Variants in DOCK11 observed in about 807,000 individuals in gnomAD.
DOCK11 encodes dedicator of cytokinesis 11, also known as dedicator of cytokinesis protein 11.
In DOCK11, 70 loss-of-function variants were observed where a neutral mutation model predicts 169.1. The observed-to-expected ratio is 0.41, with a 90% CI of 0.34 to 0.51. The LOEUF (loss-of-function observed/expected upper bound fraction) is 0.51, where lower values mean the gene tolerates loss of function less well. DOCK11 is among the 20% of genes least tolerant of loss of function. The pLI is 0.10. For synonymous variants in DOCK11, 529 were observed against 541.3 expected, an observed-to-expected ratio of 0.98 and a Z score of 0.32; for missense variants, 1,166 against 1,538.8, an observed-to-expected ratio of 0.76 and a Z score of 4.05.
chrX:118,641,681 G>T (rs778016345), intron 39 of DOCK11, among the ~76,000 whole-genome samples: 3 of 111,666 alleles, frequency 2.7e-5, no homozygotes, highest in African/African-American at 9.7e-5. Flanking sequence ...TGATGTCCGG[G>T]CAGTCTGGCT....
intron 35 of DOCK11, among the ~76,000 whole-genome samples, chrX:118,634,651 A>G (rs1215677101): frequency 1.8e-5 from 2 of 112,524 alleles, no homozygotes. Flanking sequence ...TCTGGGGGGG[A>G]ACCCAAGCTT....
intron 40 of DOCK11, among the ~76,000 whole-genome samples, chrX:118,644,736 A>C (rs1307108386): frequency 8.9e-6 from 1 of 112,140 alleles, no homozygotes; most frequent in African/African-American, 3.2e-5. Flanking sequence ...CAAGAGATGA[A>C]ACTAAAGATG....
At chrX:118,632,121 ATTTG>A (rs2015258272) in intron 35 of DOCK11, among the ~76,000 whole-genome samples, 1 of 110,521 alleles carries the variant, frequency 9.0e-6, no homozygotes, top group African/African-American at 3.3e-5. Context: ...CGCCCGGCTA[ATTTG>A]TTTATTTTTA....
chrX:118,547,870 C>T (rs752931979), intron 6 of DOCK11, among the ~76,000 whole-genome samples: 1 of 112,155 alleles, frequency 8.9e-6, no homozygotes, highest in African/African-American at 3.2e-5. Flanking sequence ...ACTGCATTCC[C>T]TTTCCCGCAG....
At chrX:118,552,508 T>G (rs2012534234) in intron 6 of DOCK11, among the ~76,000 whole-genome samples, 1 of 112,526 alleles carries the variant, frequency 8.9e-6, no homozygotes, top group African/African-American at 3.2e-5. Context: ...CTCTGGTCAG[T>G]TGTTAAGATA....
chrX:118,654,175 T>G (rs1345059326), intron 42 of DOCK11, among the ~76,000 whole-genome samples: 1 of 112,558 alleles, frequency 8.9e-6, no homozygotes, highest in African/African-American at 3.2e-5. Context: ...TAAACACTTT[T>G]TTATAATAGT....
At chrX:118,525,238 T>A (rs2011347623) in intron 1 of DOCK11, among the ~76,000 whole-genome samples, 1 of 111,760 alleles carries the variant, frequency 8.9e-6, no homozygotes, top group Admixed American at 9.5e-5. Context: ...GGGACTCAGA[T>A]ACTTGTTTCA....
chrX:118,529,794 G>C (rs989106802), intron 1 of DOCK11, among the ~76,000 whole-genome samples: 3 of 111,123 alleles, frequency 2.7e-5, no homozygotes, highest in Non-Finnish European at 3.8e-5. Flanking sequence ...GCCTCTTGGG[G>C]TCTTGAGGTG....
chrX:118,512,044 G>A (rs182433230), intron 1 of DOCK11, among the ~76,000 whole-genome samples: 97 of 112,170 alleles, frequency 8.6e-4, no homozygotes, highest in African/African-American at 3.0e-3. Flanking sequence ...CTCCCGAGTA[G>A]CTGGGACTAC....
At chrX:118,620,896 A>G (rs2014955218) in intron 31 of DOCK11, among the ~76,000 whole-genome samples, 1 of 112,590 alleles carries the variant, frequency 8.9e-6, no homozygotes, top group Non-Finnish European at 1.9e-5. Flanking sequence ...AAAGTTGTAT[A>G]TTTCTCCACT....
chrX:118,669,139 T>A (rs1253783917), intron 45 of DOCK11, among the ~76,000 whole-genome samples: 2 of 111,362 alleles, frequency 1.8e-5, no homozygotes, highest in Admixed American at 1.9e-4. Flanking sequence ...GTGTGGAAGA[T>A]GTATTTGAAA....
chrX:118,652,275 A>G (rs1176447772), intron 42 of DOCK11, among the ~76,000 whole-genome samples, 198 bp downstream of exon 42: 2 of 111,651 alleles, frequency 1.8e-5, no homozygotes, highest in African/African-American at 6.5e-5. Context: ...CATATATTCA[A>G]TATCAGTTTA....
intron 1 of DOCK11, among the ~76,000 whole-genome samples, chrX:118,504,858 G>T (rs1167077041): frequency 8.9e-6 from 1 of 111,881 alleles, no homozygotes; most frequent in Non-Finnish European, 1.9e-5. Context: ...AGCTGCCATT[G>T]CCTTTGTAAG....
At chrX:118,524,790 T>A (rs2011338137) in intron 1 of DOCK11, among the ~76,000 whole-genome samples, 1 of 111,039 alleles carries the variant, frequency 9.0e-6, no homozygotes, top group Non-Finnish European at 1.9e-5. Context: ...TGGTGGGTAA[T>A]GTAAAATGGT....
At chrX:118,555,061 T>C (rs1407960858) in intron 6 of DOCK11, among the ~76,000 whole-genome samples, 1 of 111,778 alleles carries the variant, frequency 8.9e-6, no homozygotes, top group East Asian at 2.8e-4. Flanking sequence ...CATTGATTAT[T>C]TGAGCAGTGA....
intron 1 of DOCK11, among the ~76,000 whole-genome samples, chrX:118,521,672 C>T (rs763485874): frequency 8.9e-6 from 1 of 111,772 alleles, no homozygotes; most frequent in Non-Finnish European, 1.9e-5. Flanking sequence ...AATAGCATAC[C>T]CTGGAGCTCT....
chrX:118,667,684 G>A (rs995816168), intron 45 of DOCK11, among the ~76,000 whole-genome samples: 1 of 110,791 alleles, frequency 9.0e-6, no homozygotes, highest in Non-Finnish European at 1.9e-5. Flanking sequence ...GCTATTCTAC[G>A]TCCTTTGAAT....
chrX:118,671,718 T>C (rs1349689919), intron 46 of DOCK11, among the ~76,000 whole-genome samples: 1 of 108,019 alleles, frequency 9.3e-6, no homozygotes, highest in African/African-American at 3.3e-5. Context: ...CTCGCTCTGT[T>C]GCCCAGGCTG....
At chrX:118,608,814 G>A (rs1337870733) in intron 26 of DOCK11, among the ~76,000 whole-genome samples, 1 of 111,336 alleles carries the variant, frequency 9.0e-6, no homozygotes, top group Non-Finnish European at 1.9e-5. Flanking sequence ...GAGTATATCT[G>A]ATTGGGGCTT....
Sources: gnomAD v4.1 joint callset for allele counts (sites outside exome capture counted in the v4.1 genomes callset) on GRCh38, gnomAD v4.1.1 for gene constraint, MANE v1.5 for transcripts, NCBI Gene and HGNC (gene_info 2026-07-23, HGNC 2026-07-21) for gene names.